MAGI3: variants seen among roughly 807,000 people sequenced by gnomAD.
The protein encoded by MAGI3 is membrane-associated guanylate kinase, WW and PDZ domain-containing protein 3.
MAGI3 carries 43 observed loss-of-function variants against 121.8 expected under a neutral mutation model. That is an observed-to-expected ratio of 0.35 (90% CI 0.28 to 0.46). MAGI3 has a LOEUF of 0.46. Ranked by LOEUF, MAGI3 falls within the 20% of genes least tolerant of loss-of-function variation. MAGI3 has a pLI of 1.00. For missense variants in MAGI3, 1,547 were observed against 1,797.3 expected (o/e 0.86, Z 2.52); for synonymous variants, 553 against 639.3 (o/e 0.86, Z 2.04).
chr1:113,587,590 C>T (rs754738559), intron 4 of MAGI3, among the ~76,000 whole-genome samples: 20 of 152,040 alleles, frequency 1.3e-4, no homozygotes, highest in South Asian at 2.1e-4. Flanking sequence ...TTGTGCACAC[C>T]AGTATGTTTA....
At chr1:113,581,265 T>C (rs367598962) in intron 3 of MAGI3, among the ~76,000 whole-genome samples, 1 of 152,212 alleles carries the variant, frequency 6.6e-6, no homozygotes, top group East Asian at 1.9e-4. Flanking sequence ...TGGTCCATTA[T>C]TGCTTTTTCA....
rs187580749 is a variant in MAGI3, at chr1:113,658,892, A to G, written c.2630-188A>G. Among the ~76,000 whole-genome samples the G allele has an allele frequency of 2.0e-5, 3 of 152,348 alleles. No individual in the cohort carries two copies. Among genetic ancestry groups the G allele is most frequent in the Admixed American group, 6.5e-5 (1 of 15,304 alleles). On this transcript the variant is annotated intron_variant, in intron 15 of 20. Transcript: ENST00000307546. This position sits in a 1 kb window ranked among gnomAD's most constrained non-coding sequence, Gnocchi z 4.0. Reference sequence around the variant, plus strand: ...ACAACTGTGTAAAGAGTATTTATGCATGTGGGCAAAAGTGAGAAGTATGAA... The same window carrying G: ...ACAACTGTGTAAAGAGTATTTATGCGTGTGGGCAAAAGTGAGAAGTATGAA...
In MAGI3 at chr1:113,622,846, T is replaced by A; in HGVS notation, c.1212T>A (p.Leu404=). Residue 404 remains leucine (L), a synonymous_variant, in exon 9 of 21, where the codon CTT becomes CTA. Transcript: ENST00000307546. ...KSHFTRDPSQ[L]KGVLVRASLK... Reference sequence around the variant, plus strand: ...ACTTCACAAGAGATCCATCCCAGCTTAAAGGTGTCCTTGTTCGAGCATCAC... The same window carrying A: ...ACTTCACAAGAGATCCATCCCAGCTAAAAGGTGTCCTTGTTCGAGCATCAC... The A allele has an allele frequency of 6.3e-7, 1 of 1,596,378 alleles. No individual in the cohort carries two copies. Among genetic ancestry groups the A allele is most frequent in the South Asian group, 1.1e-5 (1 of 87,038 alleles).
intron 2 of MAGI3, among the ~76,000 whole-genome samples, chr1:113,573,608 T>A (rs1283750403): frequency 6.6e-6 from 1 of 152,200 alleles, no homozygotes; most frequent in Admixed American, 6.5e-5. Context: ...GAGTGTTTTA[T>A]TTCCAATTAT....
intron 2 of MAGI3, among the ~76,000 whole-genome samples, chr1:113,551,913 T>C (rs751325759): frequency 4.2e-4 from 64 of 152,026 alleles, no homozygotes; most frequent in Non-Finnish European, 8.8e-5. Context: ...GTCTCTACTA[T>C]GAGTAATATT....
At chr1:113,406,519 GA>G (rs879858160) in intron 1 of MAGI3, among the ~76,000 whole-genome samples, 25 of 142,542 alleles carry the variant, frequency 1.8e-4, no homozygotes, top group South Asian at 9.0e-4. Flanking sequence ...GATGATAAAT[GA>G]AAAAAAAAAG....
intron 1 of MAGI3, among the ~76,000 whole-genome samples, chr1:113,402,778 C>CTCT (rs1651473788): frequency 6.6e-6 from 1 of 152,106 alleles, no homozygotes; most frequent in Non-Finnish European, 1.5e-5. Context: ...AGGGATTGTG[C>CTCT]TCTTGCTGGG....
At position 113,685,669 on chromosome 1, in the gene MAGI3, A is replaced by G. The variant is rs993063365; in HGVS notation, c.*1655A>G. 6.6e-6 allele frequency: 1 copy of G among 152,356 alleles called. No homozygotes were observed. The highest frequency in any genetic ancestry group is 1.5e-5 in the Non-Finnish European group (1 of 68,032). The allele number at this position is 152,356 out of a possible 1,614,324, so 9.4% of individuals were successfully genotyped here. On this transcript the variant is annotated 3_prime_UTR_variant, in exon 21 of 21. Transcript: ENST00000307546. ...TTCCCTGTAGTCCACAATTAGTGATAACGAATCCTATTTTTGTTAACTGTG... is the reference window on the plus strand; with the variant it reads ...TTCCCTGTAGTCCACAATTAGTGATGACGAATCCTATTTTTGTTAACTGTG...
intron 2 of MAGI3, among the ~76,000 whole-genome samples, chr1:113,573,428 A>C (rs562589642): frequency 2.4e-4 from 36 of 152,164 alleles, no homozygotes; most frequent in African/African-American, 8.2e-4. Context: ...GAACATCTTT[A>C]TTTCTTCCTT....
chr1:113,681,662 C>G (rs573648799), intron 20 of MAGI3, among the ~76,000 whole-genome samples: 49 of 152,318 alleles, frequency 3.2e-4, no homozygotes, highest in African/African-American at 1.1e-3. Context: ...TAAATCTCTT[C>G]AAAATATCCC....
At chr1:113,669,759 ACCTCAGGTGAT>A (rs1647416620) in intron 16 of MAGI3, among the ~76,000 whole-genome samples, 1 of 151,966 alleles carries the variant, frequency 6.6e-6, no homozygotes, top group African/African-American at 2.4e-5. Context: ...TGAACTCCTG[ACCTCAGGTGAT>A]CCGCCTGCCT....
At chr1:113,671,038 C>T (rs1285694230) in intron 16 of MAGI3, among the ~76,000 whole-genome samples, 1 of 152,186 alleles carries the variant, frequency 6.6e-6, no homozygotes, top group Non-Finnish European at 1.5e-5. Flanking sequence ...GCCTCCTTGC[C>T]ATCTAGTTCT....
intron 9 of MAGI3, among the ~76,000 whole-genome samples, chr1:113,630,451 A>AG (rs1651553931): frequency 2.0e-5 from 3 of 151,938 alleles, no homozygotes; most frequent in Non-Finnish European, 2.9e-5. Flanking sequence ...GCTCTACCCT[A>AG]CTGTGGCTGA....
At chr1:113,573,585 T>A (rs894292272) in intron 2 of MAGI3, among the ~76,000 whole-genome samples, 5 of 152,240 alleles carry the variant, frequency 3.3e-5, no homozygotes, top group Admixed American at 2.0e-4. Context: ...TCCGTTCTTT[T>A]GCATTTGCTG....
At chr1:113,615,084 A>G (rs1375370958) in intron 7 of MAGI3, among the ~76,000 whole-genome samples, 2 of 152,170 alleles carry the variant, frequency 1.3e-5, no homozygotes, top group African/African-American at 4.8e-5. Flanking sequence ...GCATACACCT[A>G]AAGGTGTGCT....
chr1:113,547,846 G>A (rs909436934), intron 1 of MAGI3, among the ~76,000 whole-genome samples: 1 of 152,164 alleles, frequency 6.6e-6, no homozygotes, highest in East Asian at 1.9e-4. Flanking sequence ...AGATTCTTCT[G>A]TGTTCATCCT....
At chr1:113,490,213 G>A (rs1656602531) in intron 1 of MAGI3, among the ~76,000 whole-genome samples, 1 of 152,174 alleles carries the variant, frequency 6.6e-6, no homozygotes. Flanking sequence ...TTATAAGCCA[G>A]AAGAGATTGG....
At chr1:113,520,612 C>CT (rs1374928838) in intron 1 of MAGI3, among the ~76,000 whole-genome samples, 8 of 151,518 alleles carry the variant, frequency 5.3e-5, no homozygotes, top group East Asian at 1.9e-4. Flanking sequence ...CTTTCTTCTT[C>CT]TTTTTTTTAT....
chr1:113,456,523 A>T (rs1173140184), intron 1 of MAGI3, among the ~76,000 whole-genome samples: 2 of 152,214 alleles, frequency 1.3e-5, no homozygotes, highest in Non-Finnish European at 2.9e-5. Flanking sequence ...GGATGGGAAA[A>T]GTCAATATAA....
Sources: allele counts gnomAD v4.1 joint callset (sites outside exome capture counted in the v4.1 genomes callset), GRCh38; gene constraint gnomAD v4.1.1; non-coding constraint Gnocchi (gnomAD v3.1); transcripts MANE v1.5; gene names NCBI Gene and HGNC (gene_info 2026-07-23, HGNC 2026-07-21).